The following PTPRG variants were observed in gnomAD, a reference collection of about 807,000 sequenced individuals.
PTPRG encodes the protein protein tyrosine phosphatase receptor type G, also known as receptor-type tyrosine-protein phosphatase gamma.
In PTPRG, 102 loss-of-function variants were observed where a neutral mutation model predicts 165.3. The observed-to-expected ratio is 0.62, with a 90% CI of 0.53 to 0.73. PTPRG has a LOEUF of 0.73. Ranked by LOEUF, PTPRG falls within the 30% of genes least tolerant of loss-of-function variation. The probability of loss-of-function intolerance (pLI) is 0.00; values close to 1 mark genes in which losing one functional copy is unlikely to be tolerated. For synonymous variants in PTPRG, 675 were observed against 669.5 expected (o/e 1.01, Z -0.13); for missense variants, 1,866 against 1,861.4 (o/e 1.00, Z -0.05).
intron 2 of PTPRG, among the ~76,000 whole-genome samples, chr3:61,814,533 T>C (rs905233729): frequency 3.3e-5 from 5 of 152,022 alleles, no homozygotes; most frequent in Admixed American, 2.6e-4. Context: ...TGCTTGTTTT[T>C]TGTTTGTTTA....
chr3:62,071,872 A>G (rs895192392), intron 4 of PTPRG, among the ~76,000 whole-genome samples: 4 of 152,216 alleles, frequency 2.6e-5, no homozygotes, highest in Non-Finnish European at 4.4e-5. Context: ...CTGAGTGCCA[A>G]TGAATCATAG....
At chr3:62,187,012 T>C (rs1699675064) in intron 8 of PTPRG, among the ~76,000 whole-genome samples, 1 of 152,256 alleles carries the variant, frequency 6.6e-6, no homozygotes, top group African/African-American at 2.4e-5. Context: ...CTAAGGCTGT[T>C]ACTCCATATA....
intron 1 of PTPRG, among the ~76,000 whole-genome samples, chr3:61,686,773 C>G (rs947925461): frequency 3.3e-5 from 5 of 152,174 alleles, no homozygotes; most frequent in Admixed American, 1.3e-4. Context: ...ATCGAAATCT[C>G]TATTTCCCTA....
At chr3:61,648,905 A>G (rs537699428) in intron 1 of PTPRG, among the ~76,000 whole-genome samples, 1 of 152,348 alleles carries the variant, frequency 6.6e-6, no homozygotes, top group East Asian at 1.9e-4. Context: ...ATTTATTTAC[A>G]TGAAAAAATA....
chr3:62,196,222 T>A (rs527292466), intron 10 of PTPRG, among the ~76,000 whole-genome samples: 8 of 151,466 alleles, frequency 5.3e-5, no homozygotes, highest in African/African-American at 1.9e-4. Flanking sequence ...TGAAACCCCG[T>A]CTCTACTAAA....
At chr3:61,863,837 T>C (rs1318820662) in intron 2 of PTPRG, among the ~76,000 whole-genome samples, 1 of 152,204 alleles carries the variant, frequency 6.6e-6, no homozygotes, top group Non-Finnish European at 1.5e-5. Context: ...CCACTTTCCA[T>C]AGAAAAGAGA....
chr3:61,659,318 G>A, intron 1 of PTPRG: 1 of 985,364 alleles, frequency 1.0e-6, no homozygotes, highest in Non-Finnish European at 1.2e-6. Flanking sequence ...AGTCCAAACA[G>A]TGCTGCTCAG....
chr3:62,127,599 A>T (rs1239714277), intron 5 of PTPRG, among the ~76,000 whole-genome samples: 1 of 152,184 alleles, frequency 6.6e-6, no homozygotes, highest in Non-Finnish European at 1.5e-5. Context: ...CCACAAGAGG[A>T]TATCGGCTGG....
At chr3:61,973,285 G>A (rs58382514) in intron 2 of PTPRG, among the ~76,000 whole-genome samples, 2 of 152,120 alleles carry the variant, frequency 1.3e-5, no homozygotes, top group African/African-American at 4.8e-5. Flanking sequence ...CTAGGATCCA[G>A]CTGTTTTGGA....
intron 2 of PTPRG, among the ~76,000 whole-genome samples, chr3:61,887,319 C>T (rs929641507): frequency 6.6e-6 from 1 of 151,650 alleles, no homozygotes; most frequent in Non-Finnish European, 1.5e-5. Flanking sequence ...TTTGCTCTAA[C>T]TAAGAGCCAT....
intron 4 of PTPRG, among the ~76,000 whole-genome samples, chr3:62,039,030 G>A (rs1317185079): frequency 6.6e-6 from 1 of 152,182 alleles, no homozygotes; most frequent in Non-Finnish European, 1.5e-5. Flanking sequence ...CGCCTCCCAG[G>A]TTCAGGCAAT....
At chr3:62,120,457 T>TAAAAG (rs750243502) in intron 5 of PTPRG, among the ~76,000 whole-genome samples, 3 of 152,206 alleles carry the variant, frequency 2.0e-5, no homozygotes, top group East Asian at 1.9e-4. Context: ...TGTATTAAAA[T>TAAAAG]AAAAGATTGA....
intron 1 of PTPRG, among the ~76,000 whole-genome samples, chr3:61,721,420 T>C (rs1438046645): frequency 9.9e-5 from 15 of 152,204 alleles, no homozygotes; most frequent in Non-Finnish European, 2.2e-4. Context: ...AGAGACACTA[T>C]GCAATTGAGT....
At chr3:61,752,236 G>C (rs1052068217) in intron 2 of PTPRG, among the ~76,000 whole-genome samples, 1 of 152,132 alleles carries the variant, frequency 6.6e-6, no homozygotes, top group Non-Finnish European at 1.5e-5. Flanking sequence ...TGAGGGTTAA[G>C]CAGACTATCC....
chr3:61,859,583 A>G (rs2037203471), intron 2 of PTPRG, among the ~76,000 whole-genome samples: 1 of 148,706 alleles, frequency 6.7e-6, no homozygotes, highest in Non-Finnish European at 1.5e-5. Context: ...AGAGTTTCTT[A>G]TTTGAGATCT....
At chr3:61,700,545 A>G (rs1326805510) in intron 1 of PTPRG, among the ~76,000 whole-genome samples, 2 of 152,196 alleles carry the variant, frequency 1.3e-5, no homozygotes, top group African/African-American at 2.4e-5. Context: ...ATTACCCATT[A>G]TAACATATTT....
intron 2 of PTPRG, among the ~76,000 whole-genome samples, chr3:61,846,901 C>G (rs1262873538): frequency 6.6e-6 from 1 of 150,816 alleles, no homozygotes; most frequent in Non-Finnish European, 1.5e-5. Context: ...GGTATCAGAG[C>G]TAGACCCTGT....
intron 4 of PTPRG, among the ~76,000 whole-genome samples, chr3:62,006,634 A>T (rs1273221201): frequency 6.6e-6 from 1 of 152,160 alleles, no homozygotes; most frequent in African/African-American, 2.4e-5. Flanking sequence ...ATTGTTGAAG[A>T]TTGTACTAGG....
Position 62,069,680 on chromosome 3 carries a change from T to TCA in PTPRG, c.520-8482_520-8481insAC, listed in dbSNP as rs1448277639. 2.7e-3 allele frequency among the ~76,000 whole-genome samples: 372 copies of TCA among 139,962 alleles called. 6 individuals are homozygous for TCA. Among genetic ancestry groups the TCA allele is most frequent in the African/African-American group, 9.7e-3 (334 of 34,554 alleles). 91.8% of individuals were successfully genotyped at this position (139,962 alleles called of 152,430 possible). On this transcript the variant is annotated intron_variant, in intron 4 of 29. Coordinates refer to ENST00000474889, the MANE Select transcript of PTPRG (RefSeq NM_002841.4). ...CTCTCTCTCTCTCTCTCTCTCTCTC[T>TCA]CTCTCACACACAGACACACGCACAC...
Sources: gnomAD v4.1 joint callset for allele counts (sites outside exome capture counted in the v4.1 genomes callset) on GRCh38, gnomAD v4.1.1 for gene constraint, MANE v1.5 for transcripts, NCBI Gene and HGNC (gene_info 2026-07-23, HGNC 2026-07-21) for gene names.